TOP6BL: variants seen among roughly 807,000 people sequenced by gnomAD.
The protein encoded by TOP6BL is TOP6B like initiator of meiotic double strand breaks.
chr11:66,762,720 C>T, the TOP6BL span, among the ~76,000 whole-genome samples: 20 of 152,300 alleles, frequency 1.3e-4, no homozygotes, highest in Admixed American at 1.2e-3. Context: ...CCGCCTGCCT[C>T]GGCCTGCCAA....
At chr11:66,758,949 G>A in the TOP6BL span, 1 of 793,070 alleles carries the variant, frequency 1.3e-6, no homozygotes, top group Admixed American at 2.7e-5. Flanking sequence ...TAAATGTTCT[G>A]TGTCTGTAAG....
At chr11:66,819,732 G>A in the TOP6BL span, among the ~76,000 whole-genome samples, 2 of 151,928 alleles carry the variant, frequency 1.3e-5, no homozygotes, top group East Asian at 3.9e-4. Flanking sequence ...GCGAAACCCC[G>A]TCTCTACTAA....
chr11:66,787,742 G>T, the TOP6BL span, among the ~76,000 whole-genome samples: 1 of 149,874 alleles, frequency 6.7e-6, no homozygotes, highest in African/African-American at 2.5e-5. Context: ...AAAGGTACAT[G>T]CCTGAGAGTC....
At chr11:66,794,468 C>T in the TOP6BL span, among the ~76,000 whole-genome samples, 1 of 152,070 alleles carries the variant, frequency 6.6e-6, no homozygotes, top group Non-Finnish European at 1.5e-5. Flanking sequence ...AGCTGTTTAA[C>T]CTTTTTGAGA....
the TOP6BL span, among the ~76,000 whole-genome samples, chr11:66,780,939 T>TA: frequency 9.1e-4 from 139 of 152,336 alleles, 1 homozygote; most frequent in African/African-American, 3.3e-3. Flanking sequence ...ACCTCCTGTG[T>TA]ATATGATGTG....
the TOP6BL span, among the ~76,000 whole-genome samples, chr11:66,837,604 C>T: frequency 6.6e-6 from 1 of 151,842 alleles, no homozygotes; most frequent in African/African-American, 2.4e-5. Flanking sequence ...ACCACCACAG[C>T]CAGCTAATTT....
chr11:66,827,342 G>A, the TOP6BL span, among the ~76,000 whole-genome samples: 10 of 152,098 alleles, frequency 6.6e-5, no homozygotes, highest in African/African-American at 1.2e-4. Context: ...GAGCCACCGC[G>A]CCCAGCCCAC....
At chr11:66,770,904 CATT>C in the TOP6BL span, among the ~76,000 whole-genome samples, 1 of 152,032 alleles carries the variant, frequency 6.6e-6, no homozygotes, top group South Asian at 2.1e-4. Flanking sequence ...GGGTAATCAC[CATT>C]ATTATTATTT....
the TOP6BL span, among the ~76,000 whole-genome samples, chr11:66,778,241 T>C: frequency 2.0e-5 from 3 of 151,950 alleles, no homozygotes; most frequent in Non-Finnish European, 4.4e-5. Flanking sequence ...GGATGAAATT[T>C]AGGATGAATT....
chr11:66,816,265 T>C, the TOP6BL span: 1 of 1,476,642 alleles, frequency 6.8e-7, no homozygotes, highest in Non-Finnish European at 9.2e-7. Context: ...GGAAACTTTG[T>C]GTAATGCACA....
the TOP6BL span, among the ~76,000 whole-genome samples, chr11:66,782,962 C>T: frequency 6.6e-6 from 1 of 152,228 alleles, no homozygotes; most frequent in Admixed American, 6.5e-5. Context: ...TTTAAATGGA[C>T]ATGGTGGTTT....
At chr11:66,779,919 C>A in the TOP6BL span, among the ~76,000 whole-genome samples, 2 of 149,700 alleles carry the variant, frequency 1.3e-5, no homozygotes, top group African/African-American at 4.9e-5. Flanking sequence ...GACAAAAAAC[C>A]AAACACCGCA....
chr11:66,756,569 T>C, the TOP6BL span: 1 of 1,001,608 alleles, frequency 1.0e-6, no homozygotes, highest in African/African-American at 1.7e-5. Flanking sequence ...ATATTTCCAA[T>C]GCTTTTATAT....
At chr11:66,757,270 G>A in the TOP6BL span, among the ~76,000 whole-genome samples, 7 of 152,244 alleles carry the variant, frequency 4.6e-5, no homozygotes, top group African/African-American at 1.7e-4. Flanking sequence ...ATGAACCTGG[G>A]ATGTGGAGGT....
At chr11:66,754,204 CTT>C in the TOP6BL span, among the ~76,000 whole-genome samples, 4 of 152,232 alleles carry the variant, frequency 2.6e-5, no homozygotes, top group Admixed American at 1.3e-4. Context: ...CTCAGCAAGA[CTT>C]TTAAACCTGG....
the TOP6BL span, chr11:66,804,094 G>C: frequency 6.2e-7 from 1 of 1,613,994 alleles, no homozygotes; most frequent in Non-Finnish European, 8.5e-7. Context: ...TGGCTGGCAT[G>C]GACTTGTTGG....
the TOP6BL span, among the ~76,000 whole-genome samples, chr11:66,809,301 T>G: frequency 6.6e-6 from 1 of 152,234 alleles, no homozygotes; most frequent in Non-Finnish European, 1.5e-5. Context: ...AACAGTTGAC[T>G]TCCCCATACC....
chr11:66,830,117 T>C, the TOP6BL span, among the ~76,000 whole-genome samples: 4 of 152,220 alleles, frequency 2.6e-5, no homozygotes. Flanking sequence ...TCTTTTCAAG[T>C]GCACAAGGCA....
At chr11:66,759,026 T>A in the TOP6BL span, 92 of 1,531,912 alleles carry the variant, frequency 6.0e-5, no homozygotes, top group Non-Finnish European at 7.3e-5. Flanking sequence ...TATTTCTTTG[T>A]ATTCTGTTTC....
Sources: gnomAD v4.1 joint callset for allele counts (sites outside exome capture counted in the v4.1 genomes callset) on GRCh38, gnomAD v4.1.1 for gene constraint, MANE v1.5 for transcripts, NCBI Gene and HGNC (gene_info 2026-07-23, HGNC 2026-07-21) for gene names.